The following SLC71A2 variants were observed in gnomAD, a reference collection of about 807,000 sequenced individuals.
SLC71A2 encodes hippocampus abundant transcript-like 1.
chr9:94,380,201 A>T, the SLC71A2 span, among the ~76,000 whole-genome samples: 2 of 151,958 alleles, frequency 1.3e-5, no homozygotes, highest in Admixed American at 6.6e-5. Context: ...TGGGAGGTGG[A>T]CCACGCTTGC....
chr9:94,427,082 A>G, the SLC71A2 span, among the ~76,000 whole-genome samples: 2 of 152,184 alleles, frequency 1.3e-5, no homozygotes, highest in Non-Finnish European at 2.9e-5. Flanking sequence ...ACCTTTTATT[A>G]TTAGGTTTAC....
the SLC71A2 span, chr9:94,456,436 C>T: frequency 2.2e-5 from 19 of 874,652 alleles, no homozygotes; most frequent in South Asian, 5.6e-5. Flanking sequence ...CAGCAGGAGC[C>T]GACAGCCATA....
chr9:94,392,444 G>A, the SLC71A2 span, among the ~76,000 whole-genome samples: 120,722 of 151,820 alleles, frequency 0.8, 48,512 homozygotes, highest in East Asian at 1. Flanking sequence ...ATCTGTCTCA[G>A]GATCTTCAGT....
the SLC71A2 span, chr9:94,445,287 TTTC>T: frequency 2.2e-6 from 2 of 915,126 alleles, no homozygotes; most frequent in South Asian, 3.5e-5. Flanking sequence ...TGTTGACTTA[TTTC>T]TTTAGTAAAA....
chr9:94,384,628 C>T, the SLC71A2 span, among the ~76,000 whole-genome samples: 2 of 152,196 alleles, frequency 1.3e-5, no homozygotes, highest in South Asian at 4.1e-4. Context: ...GCATGAGCCT[C>T]CATTCCTGGC....
At chr9:94,423,676 T>A in the SLC71A2 span, among the ~76,000 whole-genome samples, 9,462 of 152,062 alleles carry the variant, frequency 0.062, 441 homozygotes, top group African/African-American at 0.13. Flanking sequence ...ATAACTCTTA[T>A]GAAATATAGA....
chr9:94,448,060 G>C, the SLC71A2 span, among the ~76,000 whole-genome samples: 1 of 152,006 alleles, frequency 6.6e-6, no homozygotes, highest in African/African-American at 2.4e-5. Context: ...TTAAAGTTTT[G>C]ACAGTTGTGC....
chr9:94,415,920 C>G, the SLC71A2 span, among the ~76,000 whole-genome samples: 1 of 152,148 alleles, frequency 6.6e-6, no homozygotes, highest in East Asian at 1.9e-4. Context: ...TATTAATGGT[C>G]TTTGACTTAA....
the SLC71A2 span, among the ~76,000 whole-genome samples, chr9:94,453,651 C>G: frequency 6.6e-6 from 1 of 152,208 alleles, no homozygotes; most frequent in Admixed American, 6.5e-5. Context: ...GAGACTGAGG[C>G]TGTCCCTCTC....
chr9:94,396,418 G>A, the SLC71A2 span, among the ~76,000 whole-genome samples: 1 of 152,218 alleles, frequency 6.6e-6, no homozygotes, highest in African/African-American at 2.4e-5. Flanking sequence ...GGAAGGCTGA[G>A]GCATGAAAAT....
At chr9:94,390,679 GC>G in the SLC71A2 span, among the ~76,000 whole-genome samples, 1 of 152,290 alleles carries the variant, frequency 6.6e-6, no homozygotes, top group East Asian at 1.9e-4. Flanking sequence ...GTGTAGACAT[GC>G]CTGAACATTT....
the SLC71A2 span, among the ~76,000 whole-genome samples, chr9:94,405,325 C>G: frequency 6.6e-6 from 1 of 151,982 alleles, no homozygotes; most frequent in African/African-American, 2.4e-5. Flanking sequence ...GAAACCCCGT[C>G]TTTACTAAAA....
chr9:94,416,344 A>G, the SLC71A2 span, among the ~76,000 whole-genome samples: 1 of 152,050 alleles, frequency 6.6e-6, no homozygotes, highest in African/African-American at 2.4e-5. Flanking sequence ...GCAAGACCCC[A>G]TCTCTAAAAA....
At chr9:94,428,300 G>A in the SLC71A2 span, among the ~76,000 whole-genome samples, 1 of 149,544 alleles carries the variant, frequency 6.7e-6, no homozygotes, top group East Asian at 2.0e-4. Flanking sequence ...ATTTTTGGAA[G>A]ATTTTTTCTT....
chr9:94,444,433 G>A, the SLC71A2 span, among the ~76,000 whole-genome samples: 1 of 152,190 alleles, frequency 6.6e-6, no homozygotes, highest in Non-Finnish European at 1.5e-5. Flanking sequence ...GAATAGCAGA[G>A]GGTTCCCCCT....
At chr9:94,395,302 A>G in the SLC71A2 span, among the ~76,000 whole-genome samples, 2 of 152,210 alleles carry the variant, frequency 1.3e-5, no homozygotes, top group African/African-American at 4.8e-5. Flanking sequence ...GAAGTACAGT[A>G]GAGTCAACAG....
At chr9:94,389,438 G>GTA in the SLC71A2 span, among the ~76,000 whole-genome samples, 51 of 150,842 alleles carry the variant, frequency 3.4e-4, no homozygotes, top group African/African-American at 1.0e-3. Flanking sequence ...GCTAATTTTT[G>GTA]TATATATATA....
At chr9:94,453,842 A>G in the SLC71A2 span, 1 of 700,444 alleles carries the variant, frequency 1.4e-6, no homozygotes, top group Non-Finnish European at 2.5e-6. Flanking sequence ...GTTGCAGGTC[A>G]GGCAGTGTGC....
the SLC71A2 span, chr9:94,429,292 C>G: frequency 1.3e-6 from 2 of 1,539,854 alleles, no homozygotes; most frequent in Non-Finnish European, 1.8e-6. Flanking sequence ...GAACCAAAGT[C>G]AGGAATCCTT....
Sources: allele counts gnomAD v4.1 joint callset (sites outside exome capture counted in the v4.1 genomes callset), GRCh38; gene constraint gnomAD v4.1.1; transcripts MANE v1.5; gene names NCBI Gene and HGNC (gene_info 2026-07-23, HGNC 2026-07-21).